Variants in CBR4 observed in about 807,000 individuals in gnomAD.
CBR4 encodes the protein carbonyl reductase 4, also known as 3-oxoacyl-[acyl-carrier-protein] reductase.
CBR4 carries 22 observed loss-of-function variants against 21.0 expected under a neutral mutation model. That is an observed-to-expected ratio of 1.05 (90% CI 0.75 to 1.50). The LOEUF (loss-of-function observed/expected upper bound fraction) is 1.50. CBR4 is among the 40% of genes most tolerant of loss of function. CBR4 has a pLI of 0.00. For missense variants in CBR4, 302 were observed against 286.3 expected, an observed-to-expected ratio of 1.05 and a Z score of -0.40; for synonymous variants, 100 against 104.4, an observed-to-expected ratio of 0.96 and a Z score of 0.26.
At chr4:168,960,418 G>T (rs1763814468) in intron 2 of CBR4, among the ~76,000 whole-genome samples, 1 of 152,118 alleles carries the variant, frequency 6.6e-6, no homozygotes, top group Admixed American at 6.5e-5. Context: ...TTTAATATAT[G>T]CAGTATATGC....
At chr4:168,993,268 T>C (rs1264464280) in intron 4 of CBR4, among the ~76,000 whole-genome samples, 1 of 150,936 alleles carries the variant, frequency 6.6e-6, no homozygotes, top group African/African-American at 2.4e-5. Context: ...TGGAATGCAG[T>C]GGTGCGATCT....
chr4:168,966,627 A>G (rs1038301053), intron 2 of CBR4, among the ~76,000 whole-genome samples: 4 of 152,206 alleles, frequency 2.6e-5, no homozygotes, highest in African/African-American at 7.2e-5. Context: ...AATTCCTTCA[A>G]CCATTGTGGA....
intron 2 of CBR4, among the ~76,000 whole-genome samples, chr4:168,937,446 A>G (rs1242857488): frequency 6.6e-6 from 1 of 152,184 alleles, no homozygotes; most frequent in African/African-American, 2.4e-5. Context: ...GACAGGATCA[A>G]ATTCACACAT....
intron 2 of CBR4, chr4:168,926,453 C>A: frequency 4.4e-6 from 5 of 1,139,366 alleles, no homozygotes; most frequent in South Asian, 1.4e-5. Flanking sequence ...TCCTTTGTCA[C>A]ATTATGTAAA....
chr4:169,007,770 T>G lies in CBR4; in HGVS notation c.143-14A>C. 14 of 1,557,026 alleles carry G rather than the reference T, an allele frequency of 9.0e-6. No individual in the cohort carries two copies. Among genetic ancestry groups the G allele is most frequent in the Non-Finnish European group, 1.2e-5 (14 of 1,154,374 alleles). ...CCAAATGATCTCCTACACAACAAAGTTAAATAAGAATTACTTATAACTCAA... is the reference window on the plus strand; with the variant it reads ...CCAAATGATCTCCTACACAACAAAGGTAAATAAGAATTACTTATAACTCAA... On this transcript the variant is annotated splice_polypyrimidine_tract_variant and intron_variant, in intron 1 of 4. Transcript: ENST00000306193.
intron 4 of CBR4, among the ~76,000 whole-genome samples, chr4:168,990,779 G>A (rs1179819718): frequency 1.3e-5 from 2 of 151,610 alleles, no homozygotes; most frequent in Admixed American, 6.6e-5. Flanking sequence ...TTGGCCAGGT[G>A]CAGTGGCTCA....
In CBR4 at chr4:168,994,745, A is replaced by ATTTT. The variant is rs5863973; in HGVS notation, c.536-4421_536-4418dup. ...AGGCGCCTACCACCACGCCTGGCTA[A>ATTTT]TTTTTTTTTTTTTTTTTTTTTTTTT... On this transcript the variant is annotated intron_variant, in intron 4 of 4. Transcript: ENST00000306193. 6.6e-4 allele frequency among the ~76,000 whole-genome samples: 32 copies of ATTTT among 48,790 alleles called. 1 individual carries two copies. The highest frequency in any genetic ancestry group is 2.2e-3 in the African/African-American group (29 of 13,192). 32.0% of individuals were successfully genotyped at this position (48,790 alleles called of 152,430 possible). A position where few individuals can be genotyped will look rare whatever the true frequency, so the allele number is the denominator to read the frequency against.
intron 2 of CBR4, among the ~76,000 whole-genome samples, chr4:168,930,229 G>A (rs545909825): frequency 1.7e-3 from 258 of 151,926 alleles, no homozygotes; most frequent in Non-Finnish European, 2.8e-3. Context: ...TGTATTTTAT[G>A]CCTCCATGAA....
At chr4:168,974,935 T>C (rs554621268) in intron 2 of CBR4, among the ~76,000 whole-genome samples, 3 of 152,176 alleles carry the variant, frequency 2.0e-5, no homozygotes, top group Non-Finnish European at 2.9e-5. Flanking sequence ...TTTGGATCCA[T>C]TGCTGGAGAG....
At chr4:168,976,537 TG>T (rs1490265073) in intron 2 of CBR4, among the ~76,000 whole-genome samples, 1 of 152,224 alleles carries the variant, frequency 6.6e-6, no homozygotes, top group Non-Finnish European at 1.5e-5. Flanking sequence ...AGCAATTTTT[TG>T]TAGGCAGGGG....
intron 2 of CBR4, among the ~76,000 whole-genome samples, chr4:168,944,873 A>G (rs896468119): frequency 6.6e-6 from 1 of 152,104 alleles, no homozygotes. Flanking sequence ...AGCAAATAAA[A>G]CCAGAAATAT....
intron 2 of CBR4, chr4:168,926,846 A>G (rs1762635981): frequency 4.5e-6 from 1 of 220,866 alleles, no homozygotes; most frequent in Non-Finnish European, 9.1e-6. Context: ...CAAGTGCAAT[A>G]TGTAAGGATG....
Position 168,975,224 on chromosome 4 carries a change from G to C in CBR4, n.169+26847C>G, listed in dbSNP as rs150965264. ...GCTACCAGACTCCAGGCTGGCAATG[G>C]GGAATGTCTGCAAAGAGTACTGTGA... On this transcript the variant is annotated intron_variant and non_coding_transcript_variant, in intron 2 of 3. Coordinates refer to the CBR4 transcript ENST00000509108. Among the ~76,000 whole-genome samples the C allele has an allele frequency of 4.1e-3, 622 of 152,280 alleles. 4 individuals are homozygous for C. Among genetic ancestry groups the C allele is most frequent in the Middle Eastern group, 0.024 (7 of 294 alleles).
rs1050591975 is a variant in CBR4, at chr4:168,898,517, C to A, written n.170-3752G>T. On this transcript the variant is annotated intron_variant and non_coding_transcript_variant, in intron 2 of 3. Coordinates refer to the CBR4 transcript ENST00000509108. ...GGAATACAAAGTCTCCAGCTGTGAA[C>A]AGAGACTCATCAGTGAAATAGAGTA... is the stretch of plus-strand genomic sequence containing the variant. The A allele has an allele frequency of 3.1e-6, 5 of 1,612,652 alleles. No individual in the cohort carries two copies. Among genetic ancestry groups the A allele is most frequent in the Admixed American group, 3.3e-5 (2 of 60,020 alleles).
chr4:168,978,546 T>C (rs1764438661), intron 2 of CBR4, among the ~76,000 whole-genome samples: 1 of 152,122 alleles, frequency 6.6e-6, no homozygotes, highest in African/African-American at 2.4e-5. Context: ...AAATGGTGAA[T>C]AAGAGCCCCA....
At chr4:168,907,587 C>G (rs1478267531) in intron 2 of CBR4, among the ~76,000 whole-genome samples, 1 of 152,190 alleles carries the variant, frequency 6.6e-6, no homozygotes, top group Non-Finnish European at 1.5e-5. Flanking sequence ...GCTCTCTACT[C>G]TCAGCACCCT....
At chr4:168,992,929 C>T (rs1175011922) in intron 4 of CBR4, among the ~76,000 whole-genome samples, 1 of 152,148 alleles carries the variant, frequency 6.6e-6, no homozygotes, top group South Asian at 2.1e-4. Flanking sequence ...GTCTTCTCTG[C>T]CATAACATCT....
At chr4:168,977,859 C>A (rs1440282923) in intron 2 of CBR4, among the ~76,000 whole-genome samples, 2 of 152,210 alleles carry the variant, frequency 1.3e-5, no homozygotes, top group Non-Finnish European at 2.9e-5. Flanking sequence ...TTTCCTAAAT[C>A]TCATTTGACC....
chr4:168,966,883 T>C (rs937148015), intron 2 of CBR4, among the ~76,000 whole-genome samples: 2 of 151,874 alleles, frequency 1.3e-5, no homozygotes, highest in Admixed American at 1.3e-4. Flanking sequence ...CCGGGTGTGG[T>C]GGCAGGTACC....
Sources: allele counts gnomAD v4.1 joint callset (sites outside exome capture counted in the v4.1 genomes callset), GRCh38; gene constraint gnomAD v4.1.1; transcripts MANE v1.5; gene names NCBI Gene and HGNC (gene_info 2026-07-23, HGNC 2026-07-21).